Variants in RBFOX1 observed in about 807,000 individuals in gnomAD.
RBFOX1 encodes the protein RNA binding protein fox-1 homolog 1.
A neutral mutation model predicts 57.7 loss-of-function variants in RBFOX1; 8 were observed. The observed-to-expected ratio is 0.14, with a 90% CI of 0.08 to 0.25. The LOEUF (loss-of-function observed/expected upper bound fraction) is 0.25, where lower values mean the gene tolerates loss of function less well. Among genes scored for constraint, RBFOX1 ranks in the 10% least tolerant of loss-of-function variants. The probability of loss-of-function intolerance (pLI) is 1.00; values close to 1 mark genes in which losing one functional copy is unlikely to be tolerated. For synonymous variants in RBFOX1, 326 were observed against 222.4 expected (o/e 1.47, Z -4.15); for missense variants, 611 against 548.5 (o/e 1.11, Z -1.14).
At chr16:6,998,828 T>C (rs1029095960) in intron 3 of RBFOX1, among the ~76,000 whole-genome samples, 2 of 152,042 alleles carry the variant, frequency 1.3e-5, no homozygotes, top group Middle Eastern at 3.2e-3. Flanking sequence ...TACCCACAAA[T>C]ACTGGAGTCA....
chr16:7,283,268 C>A (rs1329275843), intron 4 of RBFOX1, among the ~76,000 whole-genome samples: 2 of 151,772 alleles, frequency 1.3e-5, no homozygotes, highest in East Asian at 3.9e-4. Flanking sequence ...GTGCTTGGTC[C>A]AGCTTTCAGT....
intron 4 of RBFOX1, among the ~76,000 whole-genome samples, chr16:7,438,368 A>C (rs746442301): frequency 1.3e-5 from 2 of 152,114 alleles, no homozygotes; most frequent in Non-Finnish European, 2.9e-5. Context: ...CTCTGGGGCC[A>C]CGGTGAGCAT....
chr16:6,021,277 C>T (rs1223607731), intron 1 of RBFOX1, among the ~76,000 whole-genome samples: 3 of 152,134 alleles, frequency 2.0e-5, no homozygotes, highest in African/African-American at 4.8e-5. Context: ...GGACATGCCC[C>T]AGCCTGCCAT....
At chr16:5,440,745 G>A (rs2068059434) in intron 1 of RBFOX1, among the ~76,000 whole-genome samples, 2 of 152,262 alleles carry the variant, frequency 1.3e-5, no homozygotes, top group South Asian at 4.1e-4. Flanking sequence ...CAGCAGTGGT[G>A]GTGATAGGGA....
chr16:6,634,449 G>A (rs1317624200), intron 2 of RBFOX1, among the ~76,000 whole-genome samples: 1 of 151,062 alleles, frequency 6.6e-6, no homozygotes, highest in African/African-American at 2.4e-5. Flanking sequence ...CGGGCTTAGT[G>A]AAGTTGCATA....
At chr16:5,960,034 C>G (rs896031457) in intron 4 of RBFOX1, among the ~76,000 whole-genome samples, 3 of 152,080 alleles carry the variant, frequency 2.0e-5, no homozygotes, top group Admixed American at 1.3e-4. Context: ...AACCCCGTCT[C>G]TACTATAAAT....
chr16:6,278,330 G>C (rs2076038809), intron 1 of RBFOX1, among the ~76,000 whole-genome samples: 1 of 110,130 alleles, frequency 9.1e-6, no homozygotes, highest in Non-Finnish European at 1.7e-5. Context: ...GTTCCTTCAA[G>C]TTATTTTTTT....
chr16:6,752,714 C>G (rs1056714102), intron 3 of RBFOX1, among the ~76,000 whole-genome samples: 4 of 152,162 alleles, frequency 2.6e-5, no homozygotes, highest in African/African-American at 7.2e-5. Context: ...ACAGGTGCAC[C>G]TATCTTGATT....
intron 3 of RBFOX1, among the ~76,000 whole-genome samples, chr16:5,730,257 A>C (rs531135869): frequency 6.6e-6 from 1 of 152,164 alleles, no homozygotes; most frequent in South Asian, 2.1e-4. Flanking sequence ...TTTTTCTTTC[A>C]ATGTCCATAC....
At chr16:6,121,114 G>T (rs943806411) in intron 1 of RBFOX1, among the ~76,000 whole-genome samples, 2 of 152,150 alleles carry the variant, frequency 1.3e-5, no homozygotes, top group African/African-American at 4.8e-5. Flanking sequence ...CTGGCCTGTT[G>T]GGAGTGTGCA....
At chr16:6,600,271 G>T (rs1442059878) in intron 2 of RBFOX1, among the ~76,000 whole-genome samples, 3 of 151,634 alleles carry the variant, frequency 2.0e-5, no homozygotes, top group Admixed American at 2.0e-4. Context: ...TTTGTTCTCA[G>T]TCCTCCCCTA....
chr16:7,304,223 AG>A (rs2096113967), intron 4 of RBFOX1: 3 of 964,204 alleles, frequency 3.1e-6, no homozygotes, highest in South Asian at 5.1e-5. Flanking sequence ...ACAGAGAGAG[AG>A]AGAGAGAGAG....
intron 3 of RBFOX1, among the ~76,000 whole-genome samples, chr16:6,731,432 T>C (rs1190896787): frequency 3.3e-5 from 5 of 152,182 alleles, no homozygotes; most frequent in Non-Finnish European, 5.9e-5. Flanking sequence ...TGCTACTCTC[T>C]GTCCTTCATC....
At chr16:7,135,193 T>C (rs1165013750) in intron 4 of RBFOX1, among the ~76,000 whole-genome samples, 1 of 152,198 alleles carries the variant, frequency 6.6e-6, no homozygotes, top group Non-Finnish European at 1.5e-5. Flanking sequence ...CCTCAGTGTA[T>C]TTCATGAACC....
At chr16:5,873,673 T>G (rs866247131) in intron 4 of RBFOX1, among the ~76,000 whole-genome samples, 1 of 152,224 alleles carries the variant, frequency 6.6e-6, no homozygotes, top group Non-Finnish European at 1.5e-5. Context: ...TATAGCATTA[T>G]AGAATAAATG....
chr16:6,886,355 C>A (rs1193480960), intron 3 of RBFOX1, among the ~76,000 whole-genome samples: 3 of 152,048 alleles, frequency 2.0e-5, no homozygotes, highest in Admixed American at 2.0e-4. Flanking sequence ...AGTCACTGCG[C>A]CCGGCCCAGT....
chr16:5,943,562 C>G (rs1375464613), intron 4 of RBFOX1, among the ~76,000 whole-genome samples: 1 of 152,098 alleles, frequency 6.6e-6, no homozygotes, highest in Non-Finnish European at 1.5e-5. Context: ...ACTGGGAGAC[C>G]CTAAGTCCTT....
intron 4 of RBFOX1, among the ~76,000 whole-genome samples, chr16:7,194,668 C>G (rs904342185): frequency 1.3e-5 from 2 of 152,170 alleles, no homozygotes; most frequent in African/African-American, 4.8e-5. Flanking sequence ...TGGCTCATGT[C>G]TGTAATCCCA....
At chr16:5,866,755 T>C (rs1210109821) in intron 3 of RBFOX1, among the ~76,000 whole-genome samples, 2 of 152,218 alleles carry the variant, frequency 1.3e-5, no homozygotes, top group African/African-American at 2.4e-5. Context: ...AATGGGGTCA[T>C]AAAAGTTATT....
Sources: allele counts gnomAD v4.1 joint callset (sites outside exome capture counted in the v4.1 genomes callset), GRCh38; gene constraint gnomAD v4.1.1; transcripts MANE v1.5; gene names NCBI Gene and HGNC (gene_info 2026-07-23, HGNC 2026-07-21).